The following OPRD1 variants were observed in gnomAD, a reference collection of about 807,000 sequenced individuals.
OPRD1 encodes the protein delta-type opioid receptor.
A neutral mutation model predicts 17.5 loss-of-function variants in OPRD1; 19 were observed. That is an observed-to-expected ratio of 1.09 (90% CI 0.76 to 1.60). OPRD1 has a LOEUF of 1.60. OPRD1 is among the 40% of genes most tolerant of loss of function. OPRD1 has a pLI of 0.00. For missense variants in OPRD1, 483 were observed against 547.2 expected (o/e 0.88, Z 1.17); for synonymous variants, 256 against 240.9 (o/e 1.06, Z -0.58).
rs1276293746 is a variant in OPRD1 at position 28,867,430 on chromosome 1, C to T, written c.*4147C>T. 6.6e-6 allele frequency: 1 copy of T among 152,160 alleles called. No individual in the cohort carries two copies. The highest frequency in any genetic ancestry group is 1.5e-5 in the Non-Finnish European group (1 of 68,054). The allele number at this position is 152,160 out of a possible 1,614,324, so 9.4% of individuals were successfully genotyped here. On this transcript the variant is annotated 3_prime_UTR_variant, in exon 3 of 3. Transcript: ENST00000234961. Reference sequence around the variant, plus strand: ...CATTTGGCCAAACTGGTCTCGAACTCCTGACCTCAGGGGATCTGCCCGCCT... The same window carrying T: ...CATTTGGCCAAACTGGTCTCGAACTTCTGACCTCAGGGGATCTGCCCGCCT...
chr1:28,851,643 G>A (rs550314418), intron 1 of OPRD1, among the ~76,000 whole-genome samples: 6 of 152,192 alleles, frequency 3.9e-5, no homozygotes, highest in Admixed American at 1.3e-4. Flanking sequence ...AGGCCGAGGC[G>A]GGCGGATCAC....
chr1:28,862,886 G>T lies in OPRD1; in HGVS notation c.722G>T (p.Arg241Leu). The change falls in exon 3 of 3, where the codon CGC becomes CTC. Residue 241 changes from arginine (R) to leucine (L), a missense_variant. Arg to Leu is a moderately radical substitution (Grantham distance 102). Transcript: ENST00000234961. ...TATGGCCTCATGCTGCTGCGCCTGC[G>T]CAGTGTGCGCCTGCTGTCGGGCTCC... ...VCYGLMLLRL[R>L]SVRLLSGSKE... The T allele has an allele frequency of 6.2e-7, 1 of 1,612,448 alleles. No individual in the cohort carries two copies. Among genetic ancestry groups the T allele is most frequent in the Non-Finnish European group, 8.5e-7 (1 of 1,180,022 alleles).
intron 1 of OPRD1, among the ~76,000 whole-genome samples, chr1:28,841,319 C>T (rs1356869117): frequency 1.3e-5 from 2 of 152,260 alleles, no homozygotes; most frequent in African/African-American, 4.8e-5. Flanking sequence ...GGTGTGGGCC[C>T]ATCCCCAGCC....
At chr1:28,831,888 T>A (rs2088811121) in intron 1 of OPRD1, among the ~76,000 whole-genome samples, 1 of 152,238 alleles carries the variant, frequency 6.6e-6, no homozygotes, top group Admixed American at 6.5e-5. Context: ...AAGCTCTATG[T>A]GAAGCATTGC....
chr1:28,851,776 C>T (rs1049233154), intron 1 of OPRD1, among the ~76,000 whole-genome samples: 2 of 144,826 alleles, frequency 1.4e-5, no homozygotes, highest in African/African-American at 5.2e-5. Flanking sequence ...GAGGCTGAGG[C>T]GGGAAAATTG....
chr1:28,846,889 T>A (rs949552263), intron 1 of OPRD1, among the ~76,000 whole-genome samples: 8 of 57,800 alleles, frequency 1.4e-4, no homozygotes, highest in African/African-American at 2.6e-4. Context: ...TTTCTTTCTT[T>A]CTTTTCTCTT....
At chr1:28,838,711 T>G (rs968626106) in intron 1 of OPRD1, among the ~76,000 whole-genome samples, 4 of 152,168 alleles carry the variant, frequency 2.6e-5, no homozygotes, top group Admixed American at 6.5e-5. Flanking sequence ...TGGCAGGCAT[T>G]ACCTCATTTG....
At chr1:28,837,208 A>G (rs909049556) in intron 1 of OPRD1, among the ~76,000 whole-genome samples, 18 of 152,156 alleles carry the variant, frequency 1.2e-4, no homozygotes, top group Non-Finnish European at 2.4e-4. Flanking sequence ...TCACGCTCCT[A>G]TGAGAATCTA....
chr1:28,858,356 C>T (rs1486768437), intron 1 of OPRD1, among the ~76,000 whole-genome samples: 1 of 151,260 alleles, frequency 6.6e-6, no homozygotes, highest in East Asian at 2.0e-4. Context: ...CCTCGTGATC[C>T]GCCCGCCTCG....
At chr1:28,846,706 G>A (rs80295696) in intron 1 of OPRD1, among the ~76,000 whole-genome samples, 64 of 80,174 alleles carry the variant, frequency 8.0e-4, no homozygotes, top group African/African-American at 1.0e-3. Context: ...AAAAAAAAAA[G>A]AGAGAGAGAG....
intron 1 of OPRD1, among the ~76,000 whole-genome samples, chr1:28,846,846 T>TTTCTTTCTTTTCTTTCTTTCTTTCTTTC (rs769212543): frequency 9.1e-5 from 7 of 76,954 alleles, no homozygotes; most frequent in African/African-American, 2.6e-4. Context: ...TCTTTCTTTC[T>TTTCTTTCTTTTCTTTCTTTCTTTCTTTC]TTTCTTTCTT....
chr1:28,857,543 G>A lies in OPRD1; in HGVS notation c.228-1411G>A, dbSNP rs897715668. ...GAGTACAGTGGTACGATCTTGGCTT[G>A]CTGCAACCTCTGCCTCCTGGGCTCA... On this transcript the variant is annotated intron_variant, in intron 1 of 2. Transcript: ENST00000234961. Among the ~76,000 whole-genome samples, 10 of 152,216 alleles carry A rather than the reference G, an allele frequency of 6.6e-5. No homozygotes were observed. In the East Asian group the frequency reaches 1.4e-3, roughly 21 times the overall value.
At chr1:28,844,213 T>C (rs1454877375) in intron 1 of OPRD1, among the ~76,000 whole-genome samples, 1 of 151,722 alleles carries the variant, frequency 6.6e-6, no homozygotes, top group Non-Finnish European at 1.5e-5. Flanking sequence ...TGGTATCTCA[T>C]TGTGGTTTTG....
At chr1:28,829,749 G>A (rs972596847) in intron 1 of OPRD1, among the ~76,000 whole-genome samples, 6 of 152,014 alleles carry the variant, frequency 3.9e-5, no homozygotes, top group African/African-American at 1.2e-4. Context: ...TTGCTCTGTC[G>A]CCCAGGCTGG....
At chr1:28,854,246 A>T (rs765037242) in intron 1 of OPRD1, among the ~76,000 whole-genome samples, 3 of 151,790 alleles carry the variant, frequency 2.0e-5, no homozygotes, top group Non-Finnish European at 4.4e-5. Context: ...TTGTTTTTAG[A>T]CATGGGGTGT....
Position 28,847,863 on chromosome 1 carries a change from C to T in OPRD1, c.228-11091C>T, listed in dbSNP as rs115322343. ...AATAAATAAAAATAAATAAATAAAA[C>T]CAGAAAATCAAGTGTTGTGTTGGGC... On this transcript the variant is annotated intron_variant, in intron 1 of 2. Coordinates refer to ENST00000234961, the MANE Select transcript of OPRD1 (RefSeq NM_000911.4). Among the ~76,000 whole-genome samples the T allele has an allele frequency of 3.4e-3, 511 of 152,000 alleles. 7 individuals are homozygous for T. The highest frequency in any genetic ancestry group is 0.012 in the African/African-American group (491 of 41,444).
At chr1:28,831,293 C>T (rs2088807038) in intron 1 of OPRD1, among the ~76,000 whole-genome samples, 1 of 152,220 alleles carries the variant, frequency 6.6e-6, no homozygotes, top group Non-Finnish European at 1.5e-5. Context: ...GGGTGGATCA[C>T]GAGGTCAGGA....
At chr1:28,833,207 G>T (rs2088822826) in intron 1 of OPRD1, among the ~76,000 whole-genome samples, 1 of 152,188 alleles carries the variant, frequency 6.6e-6, no homozygotes. Flanking sequence ...AAAGACTTTT[G>T]CCTAAGGGCA....
chr1:28,863,153 G>C lies in OPRD1; in HGVS notation c.989G>C (p.Arg330Pro). ...GACGAGAACTTCAAGCGCTGCTTCC[G>C]CCAGCTCTGCCGCAAGCCCTGCGGC... is the stretch of plus-strand genomic sequence containing the variant. ...FLDENFKRCFRQLCRKPCGRP... is the reference protein window; with the variant it reads ...FLDENFKRCFPQLCRKPCGRP... The change falls in exon 3 of 3, where the codon CGC becomes CCC. Residue 330 changes from arginine to proline, a missense_variant. Physicochemically the swap from Arg to Pro is moderately radical, Grantham distance 103. Transcript: ENST00000234961. 6.2e-7 allele frequency: 1 copy of C among 1,605,022 alleles called. No individual in the cohort carries two copies. The highest frequency in any genetic ancestry group is 8.5e-7 in the Non-Finnish European group (1 of 1,178,464).
Sources: allele counts gnomAD v4.1 joint callset (sites outside exome capture counted in the v4.1 genomes callset), GRCh38; gene constraint gnomAD v4.1.1; transcripts MANE v1.5; gene names NCBI Gene and HGNC (gene_info 2026-07-23, HGNC 2026-07-21).